Variants in TFPI observed in about 807,000 individuals in gnomAD.
TFPI encodes anti-convertin.
A neutral mutation model predicts 34.6 loss-of-function variants in TFPI; 15 were observed. The ratio of observed to expected loss-of-function variants is 0.43; its 90% CI spans 0.29 to 0.67. TFPI has a LOEUF of 0.67. Ranked by LOEUF, TFPI falls within the 30% of genes least tolerant of loss-of-function variation. The pLI is 0.15. For missense variants in TFPI, 301 were observed against 364.0 expected (o/e 0.83, Z 1.41); for synonymous variants, 105 against 120.1 (o/e 0.87, Z 0.82).
intron 1 of TFPI, among the ~76,000 whole-genome samples, chr2:187,540,047 A>G (rs928719111): frequency 4.6e-5 from 7 of 151,470 alleles, no homozygotes; most frequent in Admixed American, 2.6e-4. Flanking sequence ...GGCGCCCACC[A>G]CCACGCCTGG....
intron 2 of TFPI, among the ~76,000 whole-genome samples, chr2:187,499,092 G>A (rs1574432835): frequency 6.6e-6 from 1 of 151,430 alleles, no homozygotes; most frequent in African/African-American, 2.4e-5. Context: ...AGAAATATTG[G>A]TGAACATTGA....
rs559202919 is a variant in TFPI at position 187,540,768 on chromosome 2, G to A, written c.-3+13432C>T. On this transcript the variant is annotated intron_variant, in intron 1 of 7. Transcript: ENST00000233156. ...TAGCCTGGTGTGGTGATGTGCACCT[G>A]TAGTCTCAGCTACTTGGGAGGCTGA... 7.2e-5 allele frequency among the ~76,000 whole-genome samples: 11 copies of A among 151,736 alleles called. No homozygotes were observed. In the South Asian group the frequency reaches 2.3e-3, roughly 32 times the overall value.
intron 7 of TFPI, among the ~76,000 whole-genome samples, chr2:187,467,431 AAT>A (rs1356397568): frequency 3.3e-5 from 5 of 152,076 alleles, no homozygotes; most frequent in African/African-American, 4.8e-5. Context: ...GACATTAATA[AAT>A]ATGTTAAAAT....
intron 1 of TFPI, among the ~76,000 whole-genome samples, chr2:187,548,041 A>T (rs899912496): frequency 1.3e-5 from 2 of 152,112 alleles, no homozygotes; most frequent in Non-Finnish European, 1.5e-5. Context: ...GGATTAATAT[A>T]TAAAAAATAT....
chr2:187,495,228 A>G (rs1685394065), intron 3 of TFPI, among the ~76,000 whole-genome samples: 1 of 152,248 alleles, frequency 6.6e-6, no homozygotes, highest in Non-Finnish European at 1.5e-5. Flanking sequence ...TAAAAAGAAC[A>G]GGTATATATT....
chr2:187,526,040 G>T (rs1331369663), intron 1 of TFPI, among the ~76,000 whole-genome samples: 1 of 152,040 alleles, frequency 6.6e-6, no homozygotes, highest in Non-Finnish European at 1.5e-5. Flanking sequence ...AAATATAAAA[G>T]AATTAGAATA....
Position 187,493,252 on chromosome 2 carries a change from G to A in TFPI, c.319+3629C>T, listed in dbSNP as rs554036960. ...TACCATGTGGAAGTTGCCAAGGCTC[G>A]AGGCTTGCACCCTCTGAAGCTCTGG... is the stretch of plus-strand genomic sequence containing the variant. On this transcript the variant is annotated intron_variant, in intron 3 of 7. Transcript: ENST00000233156. Among the ~76,000 whole-genome samples, 13 of 152,218 alleles carry A rather than the reference G, an allele frequency of 8.5e-5. No individual in the cohort carries two copies. The East Asian group carries it at 1.9e-3, about 23-fold the overall frequency.
At chr2:187,542,828 C>T (rs1688654197) in intron 1 of TFPI, among the ~76,000 whole-genome samples, 1 of 145,398 alleles carries the variant, frequency 6.9e-6, no homozygotes, top group South Asian at 2.2e-4. Context: ...GATTGTGCCA[C>T]TGCACTCCAG....
intron 6 of TFPI, among the ~76,000 whole-genome samples, chr2:187,475,737 G>A (rs189651770): frequency 2.6e-5 from 4 of 152,142 alleles, no homozygotes; most frequent in Admixed American, 2.6e-4. Flanking sequence ...TTTCTATAAC[G>A]TCAATGCTCT....
Position 187,485,004 on chromosome 2 carries a change from T to C in TFPI, c.359-17A>G. ...CTGGCTTTTCTAGAAATTATAAAAA[T>C]GTCAGAAAGCAATATTCTTTTGTGT... On this transcript the variant is annotated splice_polypyrimidine_tract_variant and intron_variant, in intron 4 of 7. Transcript: ENST00000233156. The C allele has an allele frequency of 6.8e-7, 1 of 1,479,198 alleles. No individual in the cohort carries two copies. The highest frequency in any genetic ancestry group is 9.0e-7 in the Non-Finnish European group (1 of 1,116,094). 91.6% of individuals were successfully genotyped at this position (1,479,198 alleles called of 1,614,324 possible). A position where few individuals can be genotyped will look rare whatever the true frequency, so the allele number is the denominator to read the frequency against.
intron 3 of TFPI, among the ~76,000 whole-genome samples, chr2:187,493,262 C>T (rs1025105250): frequency 6.6e-6 from 1 of 152,144 alleles, no homozygotes; most frequent in Non-Finnish European, 1.5e-5. Flanking sequence ...GAGGCTTGCA[C>T]CCTCTGAAGC....
chr2:187,534,633 C>A (rs116635508), intron 1 of TFPI, among the ~76,000 whole-genome samples: 13 of 152,090 alleles, frequency 8.5e-5, no homozygotes, highest in Non-Finnish European at 1.9e-4. Context: ...TTGTAAAGAC[C>A]GTCAACACTA....
intron 6 of TFPI, among the ~76,000 whole-genome samples, chr2:187,476,783 AC>A (rs1355391311): frequency 4.6e-5 from 7 of 152,098 alleles, no homozygotes; most frequent in Non-Finnish European, 1.0e-4. Flanking sequence ...GCTGCCCTAC[AC>A]CAGTCACTAT....
intron 6 of TFPI, among the ~76,000 whole-genome samples, chr2:187,475,219 G>C (rs1283338744): frequency 6.6e-6 from 1 of 152,082 alleles, no homozygotes; most frequent in East Asian, 1.9e-4. Flanking sequence ...GAAGTACACA[G>C]ATCTGTACCT....
At chr2:187,479,056 T>G (rs1431740674) in intron 6 of TFPI, among the ~76,000 whole-genome samples, 1 of 151,860 alleles carries the variant, frequency 6.6e-6, no homozygotes, top group Non-Finnish European at 1.5e-5. Flanking sequence ...AAAAGGCAGA[T>G]TGGTTAAGAA....
At chr2:187,536,495 C>G (rs1045444570) in intron 1 of TFPI, among the ~76,000 whole-genome samples, 5 of 152,236 alleles carry the variant, frequency 3.3e-5, no homozygotes, top group Non-Finnish European at 7.3e-5. Flanking sequence ...ACATGATTAT[C>G]TCAATACATG....
intron 2 of TFPI, among the ~76,000 whole-genome samples, chr2:187,499,248 T>C (rs1023155908): frequency 6.6e-6 from 1 of 151,956 alleles, no homozygotes; most frequent in Non-Finnish European, 1.5e-5. Context: ...GAGCACTTCA[T>C]GGTAAAATTT....
intron 6 of TFPI, among the ~76,000 whole-genome samples, chr2:187,480,096 A>T (rs1020480045): frequency 6.6e-6 from 1 of 152,114 alleles, no homozygotes; most frequent in East Asian, 1.9e-4. Flanking sequence ...TCGAGTTTCC[A>T]TATATGCATT....
chr2:187,474,490 G>C (rs563983176), intron 6 of TFPI, among the ~76,000 whole-genome samples: 1 of 152,182 alleles, frequency 6.6e-6, no homozygotes, highest in East Asian at 1.9e-4. Context: ...TTATAATGCA[G>C]ACATTAAAGA....
Sources: gnomAD v4.1 joint callset for allele counts (sites outside exome capture counted in the v4.1 genomes callset) on GRCh38, gnomAD v4.1.1 for gene constraint, MANE v1.5 for transcripts, NCBI Gene and HGNC (gene_info 2026-07-23, HGNC 2026-07-21) for gene names.